Variants in LARP4B observed in about 807,000 individuals in gnomAD.
LARP4B encodes the protein La ribonucleoprotein 4B.
A neutral mutation model predicts 89.8 loss-of-function variants in LARP4B; 12 were observed. The observed-to-expected ratio is 0.13, with a 90% confidence interval of 0.09 to 0.22. The LOEUF (loss-of-function observed/expected upper bound fraction) is 0.22, where lower values mean the gene tolerates loss of function less well. Ranked by LOEUF, LARP4B falls within the 10% of genes least tolerant of loss-of-function variation. LARP4B has a pLI of 1.00. For synonymous variants in LARP4B, 367 were observed against 363.3 expected, an observed-to-expected ratio of 1.01 and a Z score of -0.12; for missense variants, 757 against 947.7, an observed-to-expected ratio of 0.80 and a Z score of 2.64.
At chr10:841,259 T>C (rs1833508173) in intron 7 of LARP4B, among the ~76,000 whole-genome samples, 2 of 152,240 alleles carry the variant, frequency 1.3e-5, no homozygotes, top group Admixed American at 6.5e-5. Context: ...TCTTAAGAGC[T>C]ACAATGAATG....
At chr10:968,739 A>G in the LARP4B span, among the ~76,000 whole-genome samples, 3 of 152,372 alleles carry the variant, frequency 2.0e-5, no homozygotes, top group Middle Eastern at 6.8e-3. Context: ...CAACATCGGG[A>G]GGAAATGCCA....
At chr10:937,147 A>G in the LARP4B span, among the ~76,000 whole-genome samples, 282 of 152,198 alleles carry the variant, frequency 1.9e-3, 1 homozygote, top group African/African-American at 6.5e-3. Flanking sequence ...GGCTCTAGTG[A>G]TCCTCCCGCC....
At chr10:851,345 G>A (rs535635256) in intron 5 of LARP4B, among the ~76,000 whole-genome samples, 4 of 151,962 alleles carry the variant, frequency 2.6e-5, no homozygotes, top group African/African-American at 9.7e-5. Flanking sequence ...CACCACAGGC[G>A]GCTAATTTTT....
At chr10:904,588 A>T (rs144347097) in intron 1 of LARP4B, among the ~76,000 whole-genome samples, 3 of 151,904 alleles carry the variant, frequency 2.0e-5, no homozygotes, top group African/African-American at 7.2e-5. Context: ...AAATAAAATA[A>T]AAATAAATAA....
At chr10:953,876 A>G in the LARP4B span, among the ~76,000 whole-genome samples, 2 of 152,254 alleles carry the variant, frequency 1.3e-5, no homozygotes, top group Non-Finnish European at 2.9e-5. Flanking sequence ...GGAAAACATC[A>G]GAGGACTAAC....
chr10:829,963 T>G (rs1188161658), intron 9 of LARP4B, among the ~76,000 whole-genome samples: 1 of 152,208 alleles, frequency 6.6e-6, no homozygotes, highest in East Asian at 1.9e-4. Flanking sequence ...TACACAATTT[T>G]GTAAGTATTA....
At position 812,858 on chromosome 10, in the gene LARP4B, A is replaced by G; in HGVS notation, c.*68T>C. On this transcript the variant is annotated 3_prime_UTR_variant, in exon 18 of 18. Coordinates refer to ENST00000316157, the MANE Select transcript of LARP4B (RefSeq NM_015155.3). ...CTCCTAACCAGCGGCTCGCCCTCGC[A>G]CTGAGTGGGAGAGTGTCTCGTTTGT... 2.8e-6 allele frequency: 4 copies of G among 1,420,944 alleles called. No homozygotes were observed. The highest frequency in any genetic ancestry group is 2.6e-5 in the Admixed American group (1 of 38,238). 88.0% of individuals were successfully genotyped at this position (1,420,944 alleles called of 1,614,324 possible).
chr10:928,540 C>T (rs1837217015), intron 1 of LARP4B, among the ~76,000 whole-genome samples: 1 of 152,184 alleles, frequency 6.6e-6, no homozygotes, highest in South Asian at 2.1e-4. Context: ...CCTGAAGGCA[C>T]TGTTCATTGT....
intron 3 of LARP4B, among the ~76,000 whole-genome samples, chr10:874,086 T>C (rs1320669737): frequency 3.3e-5 from 5 of 151,914 alleles, no homozygotes; most frequent in East Asian, 3.9e-4. Context: ...TACAAAAAAT[T>C]AGCTGAGCAT....
At chr10:823,629 C>T (rs1832468587) in intron 13 of LARP4B, among the ~76,000 whole-genome samples, 1 of 151,422 alleles carries the variant, frequency 6.6e-6, no homozygotes, top group Admixed American at 6.6e-5. Context: ...TCCTTCCACA[C>T]CGTGCCCACA....
intron 3 of LARP4B, among the ~76,000 whole-genome samples, chr10:868,642 A>T (rs1289941945): frequency 6.6e-6 from 1 of 152,254 alleles, no homozygotes; most frequent in Non-Finnish European, 1.5e-5. Context: ...AGATTATCTT[A>T]AAGATGTAGT....
Position 842,996 on chromosome 10 carries a change from C to T in LARP4B, c.582G>A (p.Val194=). Residue 194 remains valine (V), a synonymous_variant, in exon 7 of 18, where the codon GTG becomes GTA. Transcript: ENST00000316157. ...GCTTCTTGATGTGGTCGAGGTTAGC[C>T]ACCGTTGTGATTGGCACATACTGGT... is the stretch of plus-strand genomic sequence containing the variant. ...DSDQYVPITT[V]ANLDHIKKLS... 6.2e-7 allele frequency: 1 copy of T among 1,614,110 alleles called. No homozygotes were observed. The highest frequency in any genetic ancestry group is 1.1e-5 in the South Asian group (1 of 91,076).
rs1163545510 is a variant in LARP4B at position 921,375 on chromosome 10, C to T, written c.-40+10053G>A. On this transcript the variant is annotated intron_variant, in intron 1 of 17. Transcript: ENST00000316157. Reference sequence around the variant, plus strand: ...TCTAACACAATTTGTGGCCATATAACGATTTTGGGAAAACATCTAGTCTAC... The same window carrying T: ...TCTAACACAATTTGTGGCCATATAATGATTTTGGGAAAACATCTAGTCTAC... 3.3e-5 allele frequency among the ~76,000 whole-genome samples: 5 copies of T among 152,094 alleles called. 1 individual carries two copies. Among genetic ancestry groups the T allele is most frequent in the South Asian group, 2.1e-4 (1 of 4,826 alleles).
chr10:894,221 A>G (rs953730086), intron 1 of LARP4B, among the ~76,000 whole-genome samples: 18 of 152,344 alleles, frequency 1.2e-4, no homozygotes, highest in African/African-American at 3.1e-4. Context: ...GACATGATCA[A>G]AGACTACCAT....
At chr10:841,442 C>G (rs11253460) in intron 7 of LARP4B, among the ~76,000 whole-genome samples, 24,422 of 152,210 alleles carry the variant, frequency 0.16, 2,103 homozygotes, top group Non-Finnish European at 0.19. Context: ...AGGTGACAAG[C>G]CTGCCCTGGA....
intron 1 of LARP4B, among the ~76,000 whole-genome samples, chr10:891,285 A>G (rs1564433554): frequency 6.6e-6 from 1 of 152,224 alleles, no homozygotes; most frequent in African/African-American, 2.4e-5. Context: ...TTCAACACAA[A>G]AGGAGACGTA....
intron 1 of LARP4B, among the ~76,000 whole-genome samples, chr10:908,676 C>T (rs1477755556): frequency 6.6e-6 from 1 of 152,210 alleles, no homozygotes; most frequent in Non-Finnish European, 1.5e-5. Context: ...TCACAGAATT[C>T]TTCTGGGTTG....
At chr10:954,625 A>G in the LARP4B span, among the ~76,000 whole-genome samples, 1 of 152,104 alleles carries the variant, frequency 6.6e-6, no homozygotes, top group Non-Finnish European at 1.5e-5. The surrounding 1 kb of genome is among the most constrained non-coding windows in gnomAD (Gnocchi z 5.0). Context: ...CACAGAACCT[A>G]AATGGGACCC....
intron 1 of LARP4B, among the ~76,000 whole-genome samples, chr10:916,844 ACAC>A (rs1836835469): frequency 6.6e-6 from 1 of 152,058 alleles, no homozygotes; most frequent in Non-Finnish European, 1.5e-5. Flanking sequence ...CTATAAGCAC[ACAC>A]CACCACACCT....
Sources: gnomAD v4.1 joint callset for allele counts (sites outside exome capture counted in the v4.1 genomes callset) on GRCh38, gnomAD v4.1.1 for gene constraint, Gnocchi (gnomAD v3.1) non-coding constraint, MANE v1.5 for transcripts, NCBI Gene and HGNC (gene_info 2026-07-23, HGNC 2026-07-21) for gene names.